Variants in NTNG2 observed in about 807,000 individuals in gnomAD.
NTNG2 encodes netrin G2, also known as netrin-G2.
A neutral mutation model predicts 47.6 loss-of-function variants in NTNG2; 15 were observed. That is an observed-to-expected ratio of 0.32 (90% CI 0.21 to 0.49). The LOEUF (loss-of-function observed/expected upper bound fraction) is 0.49. Ranked by LOEUF, NTNG2 falls within the 20% of genes least tolerant of loss-of-function variation. NTNG2 has a pLI of 0.99. For synonymous variants in NTNG2, 307 were observed against 324.6 expected, an observed-to-expected ratio of 0.95 and a Z score of 0.58; for missense variants, 578 against 764.6, an observed-to-expected ratio of 0.76 and a Z score of 2.88.
rs994111698 is a variant in NTNG2 at position 132,163,462 on chromosome 9, C to G, written c.-484+1223C>G. Among the ~76,000 whole-genome samples the G allele has an allele frequency of 8.6e-5, 13 of 151,932 alleles. No individual in the cohort carries two copies. The highest frequency in any genetic ancestry group is 1.5e-5 in the Non-Finnish European group (1 of 67,912). ...AGAGGCCCGCCGAGGCTACAGTGAG[C>G]GCGGGGCGCCCGCTGGACCCCGCCC... On this transcript the variant is annotated intron_variant, in intron 1 of 7. Coordinates refer to ENST00000393229, the MANE Select transcript of NTNG2 (RefSeq NM_032536.4). This position sits in a 1 kb window ranked among gnomAD's most constrained non-coding sequence, Gnocchi z 7.2.
intron 2 of NTNG2, among the ~76,000 whole-genome samples, chr9:132,177,123 A>G (rs150179081): frequency 0.011 from 1,693 of 152,228 alleles, 29 homozygotes; most frequent in African/African-American, 0.037. Context: ...AGTAGCTGGG[A>G]TTACAGGTAC....
At position 132,162,131 on chromosome 9, in the gene NTNG2, C is replaced by T. The variant is rs1015987936; in HGVS notation, c.-592C>T. On this transcript the variant is annotated 5_prime_UTR_variant, in exon 1 of 8. Coordinates refer to ENST00000393229, the MANE Select transcript of NTNG2 (RefSeq NM_032536.4). The surrounding 1 kb of genome is among the most constrained non-coding windows in gnomAD (Gnocchi z 4.6). ...GGAAGGAGCAGCGGCTCGCAGCCCTCGGCCCGCGCCCCCACCCAGCGCCAG... is the reference window on the plus strand; with the variant it reads ...GGAAGGAGCAGCGGCTCGCAGCCCTTGGCCCGCGCCCCCACCCAGCGCCAG... 4.0e-5 allele frequency: 6 copies of T among 150,238 alleles called. No homozygotes were observed. The highest frequency in any genetic ancestry group is 9.8e-5 in the African/African-American group (4 of 40,648). 9.3% of individuals were successfully genotyped at this position (150,238 alleles called of 1,614,324 possible).
In NTNG2 at chr9:132,241,918, G is replaced by A; in HGVS notation, c.1400G>A (p.Gly467Asp). The change falls in exon 8 of 8, where the codon GGC becomes GAC. Residue 467 changes from glycine (G) to aspartate (D), a missense_variant. By Grantham distance (94) the Gly-to-Asp change is moderately conservative. Transcript: ENST00000393229. ...DDDQLLCQNG[G>D]TCLQNQRCAC... ...GACCAGCTGCTGTGCCAGAACGGAG[G>A]CACCTGCCTGCAGAACCAGCGCTGC... is the stretch of plus-strand genomic sequence containing the variant. 6.3e-7 allele frequency: 1 copy of A among 1,575,736 alleles called. No individual in the cohort carries two copies. The highest frequency in any genetic ancestry group is 8.6e-7 in the Non-Finnish European group (1 of 1,167,880).
At chr9:132,199,258 G>T (rs1274419667) in intron 3 of NTNG2, among the ~76,000 whole-genome samples, 1 of 152,118 alleles carries the variant, frequency 6.6e-6, no homozygotes, top group Admixed American at 6.5e-5. Context: ...CTCAGTGAAT[G>T]GGCTCTCATG....
chr9:132,223,873 A>C (rs1457892819), intron 3 of NTNG2, among the ~76,000 whole-genome samples: 3 of 152,076 alleles, frequency 2.0e-5, no homozygotes, highest in Non-Finnish European at 4.4e-5. Context: ...AAAGGCTTGC[A>C]GAGTAAAATC....
intron 3 of NTNG2, among the ~76,000 whole-genome samples, chr9:132,198,974 C>G (rs1838537509): frequency 6.6e-6 from 1 of 152,062 alleles, no homozygotes; most frequent in Non-Finnish European, 1.5e-5. Context: ...CTATCTACTT[C>G]TTGAGATGTT....
chr9:132,203,132 T>C (rs1838910935), intron 3 of NTNG2, among the ~76,000 whole-genome samples: 1 of 152,046 alleles, frequency 6.6e-6, no homozygotes, highest in Admixed American at 6.6e-5. Context: ...AGCATGCCTC[T>C]GGGTTCACAG....
At chr9:132,225,651 T>C (rs1334531021) in intron 3 of NTNG2, among the ~76,000 whole-genome samples, 1 of 152,192 alleles carries the variant, frequency 6.6e-6, no homozygotes, top group African/African-American at 2.4e-5. Context: ...TAGTATCTAA[T>C]ATAGGCAATG....
intron 3 of NTNG2, among the ~76,000 whole-genome samples, chr9:132,205,286 G>A (rs547865900): frequency 1.3e-5 from 2 of 152,288 alleles, no homozygotes; most frequent in South Asian, 4.1e-4. Flanking sequence ...TTAAAAAGGA[G>A]GGAGAACCTG....
chr9:132,228,578 A>G (rs1490535578), intron 4 of NTNG2, among the ~76,000 whole-genome samples: 1 of 146,832 alleles, frequency 6.8e-6, no homozygotes, highest in Non-Finnish European at 1.5e-5. Flanking sequence ...TTTCTTAAAG[A>G]TAAGTCTCTC....
intron 2 of NTNG2, among the ~76,000 whole-genome samples, chr9:132,189,419 G>A (rs11243658): frequency 0.18 from 14,084 of 76,464 alleles, 714 homozygotes; most frequent in Middle Eastern, 0.27. Context: ...TTAAAAAAAA[G>A]GTATCATCTC....
chr9:132,183,583 T>C (rs909514118), intron 2 of NTNG2, among the ~76,000 whole-genome samples: 7 of 152,174 alleles, frequency 4.6e-5, no homozygotes, highest in African/African-American at 1.7e-4. Flanking sequence ...GTGCCACTCA[T>C]GGGGACCAGG....
chr9:132,197,172 C>T lies in NTNG2; in HGVS notation c.214-794C>T, dbSNP rs1418912921. ...TGGGAGGGCAAGCCAGGTGGATCAA[C>T]GGAGGTCAGAGTTCGAGACCAGCCT... On this transcript the variant is annotated intron_variant, in intron 2 of 7. Coordinates refer to ENST00000393229, the MANE Select transcript of NTNG2 (RefSeq NM_032536.4). This position sits in a 1 kb window ranked among gnomAD's most constrained non-coding sequence, Gnocchi z 4.3. Among the ~76,000 whole-genome samples the T allele has an allele frequency of 6.6e-6, 1 of 152,078 alleles. No individual in the cohort carries two copies. The highest frequency in any genetic ancestry group is 1.5e-5 in the Non-Finnish European group (1 of 68,010).
intron 3 of NTNG2, among the ~76,000 whole-genome samples, chr9:132,200,875 T>C (rs1389504560): frequency 6.6e-6 from 1 of 152,232 alleles, no homozygotes; most frequent in African/African-American, 2.4e-5. Context: ...GTCCAGACTT[T>C]CAGCCCCTGG....
chr9:132,186,610 C>A (rs1482045628), intron 2 of NTNG2, among the ~76,000 whole-genome samples: 1 of 152,204 alleles, frequency 6.6e-6, no homozygotes, highest in Non-Finnish European at 1.5e-5. Context: ...CTCTCCCGGG[C>A]AGCTCGTCCA....
At chr9:132,213,405 G>T (rs979307777) in intron 3 of NTNG2, among the ~76,000 whole-genome samples, 1 of 150,828 alleles carries the variant, frequency 6.6e-6, no homozygotes, top group Non-Finnish European at 1.5e-5. Context: ...CAACCTTGAG[G>T]CCGTCCATCG....
At chr9:132,175,375 G>GGGCAATTGAGA (rs1375335662) in intron 2 of NTNG2, among the ~76,000 whole-genome samples, 1 of 152,186 alleles carries the variant, frequency 6.6e-6, no homozygotes, top group African/African-American at 2.4e-5. Context: ...GGCAATTGAG[G>GGGCAATTGAGA]GGCAATTGAG....
intron 3 of NTNG2, among the ~76,000 whole-genome samples, chr9:132,220,515 A>C (rs907578849): frequency 6.7e-6 from 1 of 148,164 alleles, no homozygotes; most frequent in African/African-American, 2.5e-5. Context: ...GCCAGAGTGC[A>C]ATCTCAGCTC....
chr9:132,231,573 G>C lies in NTNG2; in HGVS notation c.1054+978G>C, dbSNP rs1841229489. 1 of 317,122 alleles carries C rather than the reference G, an allele frequency of 3.2e-6. No homozygotes were observed. 19.6% of individuals were successfully genotyped at this position (317,122 alleles called of 1,614,324 possible). The stretch of plus-strand genomic sequence containing the variant: ...ACGCTGGTCTGCACAGCCGTCGTAA[G>C]TTGCTTCTCTGTGGTGTCCCCACCC... On this transcript the variant is annotated intron_variant, in intron 5 of 7. Transcript: ENST00000393229. This position sits in a 1 kb window ranked among gnomAD's most constrained non-coding sequence, Gnocchi z 4.1.
Sources: gnomAD v4.1 joint callset for allele counts (sites outside exome capture counted in the v4.1 genomes callset) on GRCh38, gnomAD v4.1.1 for gene constraint, Gnocchi (gnomAD v3.1) non-coding constraint, MANE v1.5 for transcripts, NCBI Gene and HGNC (gene_info 2026-07-23, HGNC 2026-07-21) for gene names.